The following CDHR2 variants were observed in gnomAD, a reference collection of about 807,000 sequenced individuals.
CDHR2 encodes cadherin-related family member 2.
In CDHR2, 104 loss-of-function variants were observed where a neutral mutation model predicts 138.6. The observed-to-expected ratio is 0.75, with a 90% CI of 0.64 to 0.88. The LOEUF (loss-of-function observed/expected upper bound fraction) is 0.88. Among genes scored for constraint, CDHR2 ranks in the 40% least tolerant of loss-of-function variants. The pLI, the probability that CDHR2 is intolerant of heterozygous loss-of-function variation, is 0.00. For missense variants in CDHR2, 1,624 were observed against 1,727.6 expected (o/e 0.94, Z 1.06); for synonymous variants, 755 against 742.8 (o/e 1.02, Z -0.27).
Position 176,589,154 on chromosome 5 carries a change from G to A in CDHR2, c.2980G>A (p.Glu994Lys), listed in dbSNP as rs746934211. ...TGTCTTCTCGATCTTCACCTCCTCC[G>A]AGGCCGACGTGTTCGCTGGGAGCAT... is the stretch of plus-strand genomic sequence containing the variant. ...QGVFSIFTSS[E>K]ADVFAGSIQP... The change falls in exon 22 of 32, where the codon GAG (glutamate) becomes AAG (lysine). Residue 994 changes from glutamate to lysine, a missense_variant. Glu to Lys is a moderately conservative substitution (Grantham distance 56). Transcript: ENST00000261944. 8.1e-6 allele frequency: 13 copies of A among 1,613,996 alleles called. No homozygotes were observed. The highest frequency in any genetic ancestry group is 2.2e-5 in the South Asian group (2 of 91,086).
chr5:176,578,599 G>A lies in CDHR2; in HGVS notation c.1809G>A (p.Val603=), dbSNP rs1402721836. Residue 603 remains valine (V), a synonymous_variant, in exon 16 of 32, where the codon GTG becomes GTA. Transcript: ENST00000261944. ...AGGAGGAGGAGGGCAATGTCTCCGT[G>A]ACCATCCAGGTGTGAGCCTGCCTGG... ...FVQEEEGNVS[V]TIQAHDNDEP... 1.2e-6 allele frequency: 2 copies of A among 1,610,738 alleles called. No individual in the cohort carries two copies. Among genetic ancestry groups the A allele is most frequent in the Non-Finnish European group, 8.5e-7 (1 of 1,180,022 alleles).
chr5:176,590,198 G>C (rs1293892519), intron 25 of CDHR2, 52 bp downstream of exon 25: 8 of 1,611,420 alleles, frequency 5.0e-6, no homozygotes, highest in African/African-American at 1.3e-5. Flanking sequence ...GCGGTAGCAG[G>C]AGGGGCCTGC....
intron 1 of CDHR2, among the ~76,000 whole-genome samples, chr5:176,558,402 A>G (rs1261800667): frequency 3.5e-5 from 4 of 115,896 alleles, no homozygotes; most frequent in African/African-American, 6.9e-5. Flanking sequence ...TTTTTTTTTG[A>G]GATGGAGTTT....
chr5:176,570,508 A>C (rs1433670835), intron 5 of CDHR2, among the ~76,000 whole-genome samples: 1 of 152,058 alleles, frequency 6.6e-6, no homozygotes, highest in Non-Finnish European at 1.5e-5. Flanking sequence ...AACCATACTC[A>C]GCTAATTTTA....
Position 176,570,678 on chromosome 5 carries a change from G to A in CDHR2, c.316-535G>A, listed in dbSNP as rs189952526. 1.9e-3 allele frequency among the ~76,000 whole-genome samples: 290 copies of A among 152,314 alleles called. 1 individual carries two copies. Among genetic ancestry groups the A allele is most frequent in the African/African-American group, 6.4e-3 (267 of 41,564 alleles). On this transcript the variant is annotated intron_variant, in intron 5 of 31. Coordinates refer to ENST00000261944, the MANE Select transcript of CDHR2 (RefSeq NM_017675.6). ...TATATTTAAAAAATTAACTGCTGGC[G>A]TGGTGGTGCACGCCTGTAATCCCAG...
At chr5:176,561,258 G>A (rs1311185774) in intron 1 of CDHR2, among the ~76,000 whole-genome samples, 3 of 152,252 alleles carry the variant, frequency 2.0e-5, no homozygotes, top group South Asian at 4.1e-4. Flanking sequence ...CTTGCCCAAG[G>A]TTATGCTGGA....
At chr5:176,572,031 C>T (rs1758247087) in intron 6 of CDHR2, among the ~76,000 whole-genome samples, 1 of 152,092 alleles carries the variant, frequency 6.6e-6, no homozygotes, top group African/African-American at 2.4e-5. Flanking sequence ...CCTCTCAGCT[C>T]TGCTTCTCTT....
At chr5:176,563,782 G>A (rs60947370) in intron 1 of CDHR2, among the ~76,000 whole-genome samples, 7 of 152,324 alleles carry the variant, frequency 4.6e-5, no homozygotes, top group African/African-American at 9.6e-5. Flanking sequence ...AAGTGGGGCC[G>A]TTTAGTCAGT....
At position 176,561,057 on chromosome 5, in the gene CDHR2, GAATGGGAACTCC is replaced by G. The variant is rs1483123589; in HGVS notation, c.-15-4278_-15-4267del. 2.6e-5 allele frequency among the ~76,000 whole-genome samples: 4 copies of G among 152,268 alleles called. No individual in the cohort carries two copies. In the East Asian group the frequency reaches 7.7e-4, roughly 29 times the overall value. ...GAGTTCTCCGGAAGAGAGGAACCAG[GAATGGGAACTCC>G]AACAATGAGAAGGGCAAGAGACAGA... On this transcript the variant is annotated intron_variant, in intron 1 of 31. Transcript: ENST00000261944.
chr5:176,587,764 G>C (rs1758703789), intron 21 of CDHR2, among the ~76,000 whole-genome samples: 1 of 152,186 alleles, frequency 6.6e-6, no homozygotes, highest in African/African-American at 2.4e-5. Context: ...TCCCCACTTA[G>C]AGCCGAGTGT....
chr5:176,589,749 C>A, intron 24 of CDHR2, 133 bp downstream of exon 24: 1 of 786,286 alleles, frequency 1.3e-6, no homozygotes, highest in East Asian at 2.7e-5. Context: ...GTCTTCAACC[C>A]TGTACTTTCA....
upstream of CDHR2, chr5:176,549,251 C>T (rs1757652821): frequency 6.6e-6 from 1 of 152,288 alleles, no homozygotes; most frequent in South Asian, 2.1e-4. Context: ...GAGTCGACCC[C>T]TCCTGGGAGG....
chr5:176,551,739 T>C lies in CDHR2; in HGVS notation c.-16+2325T>C, dbSNP rs562981241. ...TTTTTTGAGACAGAGTCTCGCTCTG[T>C]CACCCAAGCTGGAGTGCAGTAGCGG... On this transcript the variant is annotated intron_variant, in intron 1 of 31. Coordinates refer to ENST00000261944, the MANE Select transcript of CDHR2 (RefSeq NM_017675.6). 4.1e-5 allele frequency among the ~76,000 whole-genome samples: 6 copies of C among 145,926 alleles called. No individual in the cohort carries two copies. In the East Asian group the frequency reaches 1.2e-3, roughly 30 times the overall value.
intron 30 of CDHR2, 61 bp from the exon 31 acceptor site, chr5:176,592,662 T>G: frequency 1.4e-6 from 2 of 1,451,554 alleles, no homozygotes; most frequent in Non-Finnish European, 1.9e-6. Context: ...GTGGTGGTTC[T>G]TGGGCACAGT....
Position 176,562,339 on chromosome 5 carries a change from A to G in CDHR2, c.-15-2999A>G, listed in dbSNP as rs371014259. ...GGATGGAGAGATGCAGGCTGATTAGAGAGAAACAGAGGAGGCTGCACGGAT... is the reference window on the plus strand; with the variant it reads ...GGATGGAGAGATGCAGGCTGATTAGGGAGAAACAGAGGAGGCTGCACGGAT... On this transcript the variant is annotated intron_variant, in intron 1 of 31. Transcript: ENST00000261944. Among the ~76,000 whole-genome samples the G allele has an allele frequency of 2.2e-5, 3 of 136,712 alleles. No individual in the cohort carries two copies. The East Asian group carries it at 6.5e-4, about 29-fold the overall frequency. 89.7% of individuals were successfully genotyped at this position (136,712 alleles called of 152,430 possible). A position where few individuals can be genotyped will look rare whatever the true frequency, so the allele number is the denominator to read the frequency against.
intron 6 of CDHR2, 82 bp downstream of exon 6, chr5:176,571,384 TG>T (rs1758226477): frequency 1.0e-6 from 1 of 1,000,362 alleles, no homozygotes; most frequent in Non-Finnish European, 1.4e-6. Flanking sequence ...AGACAGTCAG[TG>T]GGGCATTCAG....
chr5:176,565,518 T>C, intron 2 of CDHR2, 114 bp downstream of exon 2: 1 of 1,275,884 alleles, frequency 7.8e-7, no homozygotes, highest in East Asian at 2.4e-5. Context: ...GGGCCAGCCC[T>C]GTGCTTGGCT....
intron 16 of CDHR2, among the ~76,000 whole-genome samples, chr5:176,581,094 C>T (rs1422746608): frequency 6.6e-6 from 1 of 152,062 alleles, no homozygotes; most frequent in Non-Finnish European, 1.5e-5. Flanking sequence ...CGGGGCTGGG[C>T]ACGTAGGTCC....
At chr5:176,580,071 A>T (rs987644555) in intron 16 of CDHR2, among the ~76,000 whole-genome samples, 1 of 151,996 alleles carries the variant, frequency 6.6e-6, no homozygotes, top group Non-Finnish European at 1.5e-5. Flanking sequence ...CCCCAAAGAC[A>T]AACCAAGCAT....
Sources: gnomAD v4.1 joint callset for allele counts (sites outside exome capture counted in the v4.1 genomes callset) on GRCh38, gnomAD v4.1.1 for gene constraint, MANE v1.5 for transcripts, NCBI Gene and HGNC (gene_info 2026-07-23, HGNC 2026-07-21) for gene names.